PEX14: variants seen among roughly 807,000 people sequenced by gnomAD.
The protein encoded by PEX14 is peroxisomal membrane protein PEX14.
In PEX14, 15 loss-of-function variants were observed where a neutral mutation model predicts 49.5. The ratio of observed to expected loss-of-function variants is 0.30; its 90% CI spans 0.20 to 0.47. The LOEUF (loss-of-function observed/expected upper bound fraction) is 0.47, where lower values mean the gene tolerates loss of function less well. Among genes scored for constraint, PEX14 ranks in the 20% least tolerant of loss-of-function variants. The pLI, the probability that PEX14 is intolerant of heterozygous loss-of-function variation, is 1.00. For missense variants in PEX14, 398 were observed against 494.8 expected (o/e 0.80, Z 1.86); for synonymous variants, 210 against 212.7 (o/e 0.99, Z 0.11).
In PEX14 at chr1:10,613,816, A is replaced by G. The variant is rs994195359; in HGVS notation, c.299-4516A>G. Among the ~76,000 whole-genome samples, 11 of 152,184 alleles carry G rather than the reference A, an allele frequency of 7.2e-5. No individual in the cohort carries two copies. The highest frequency in any genetic ancestry group is 6.5e-5 in the Admixed American group (1 of 15,290). On this transcript the variant is annotated intron_variant, in intron 4 of 8. Coordinates refer to ENST00000356607, the MANE Select transcript of PEX14 (RefSeq NM_004565.3). This position sits in a 1 kb window ranked among gnomAD's most constrained non-coding sequence, Gnocchi z 5.0. ...GTTTCTGACCCCAGGCTTGTTGCCC[A>G]CTTGCTACCTTGTCTGCCTTGTCTG...
At chr1:10,576,581 C>T (rs1160687796) in intron 3 of PEX14, among the ~76,000 whole-genome samples, 2 of 151,592 alleles carry the variant, frequency 1.3e-5, no homozygotes, top group Non-Finnish European at 2.9e-5. Context: ...TCCTTTCAAA[C>T]ATTAGTTTTT....
At chr1:10,490,056 A>G (rs2124390780) in intron 1 of PEX14, among the ~76,000 whole-genome samples, 1 of 152,302 alleles carries the variant, frequency 6.6e-6, no homozygotes, top group African/African-American at 2.4e-5. Flanking sequence ...ATAACTTATC[A>G]TCTCCTCTAA....
chr1:10,565,769 C>T (rs548706181), intron 3 of PEX14, among the ~76,000 whole-genome samples: 2 of 152,266 alleles, frequency 1.3e-5, no homozygotes, highest in Non-Finnish European at 2.9e-5. Flanking sequence ...ATCCCAGCTA[C>T]TTGGGAGGCT....
chr1:10,582,639 T>G (rs1640354945), intron 3 of PEX14, among the ~76,000 whole-genome samples: 1 of 152,160 alleles, frequency 6.6e-6, no homozygotes, highest in African/African-American at 2.4e-5. Flanking sequence ...TGCCTGACTC[T>G]CTCCAGAGTA....
Position 10,542,532 on chromosome 1 carries a change from C to T in PEX14, c.169+6235C>T, listed in dbSNP as rs377702610. ...ATCCCAGCACTTCGGGAGGCAGAGG[C>T]GGGAGGATCACGAGGTCAGAAAATT... On this transcript the variant is annotated intron_variant, in intron 3 of 8. Transcript: ENST00000356607. Among the ~76,000 whole-genome samples, 5 of 152,118 alleles carry T rather than the reference C, an allele frequency of 3.3e-5. No individual in the cohort carries two copies. The South Asian group carries it at 6.2e-4, about 19-fold the overall frequency.
chr1:10,490,536 G>A (rs1399351650), intron 1 of PEX14, among the ~76,000 whole-genome samples: 1 of 152,102 alleles, frequency 6.6e-6, no homozygotes, highest in Non-Finnish European at 1.5e-5. Flanking sequence ...TTCTCTCTCT[G>A]CCGCCGTAGT....
intron 2 of PEX14, among the ~76,000 whole-genome samples, chr1:10,520,077 C>T (rs1002478783): frequency 2.0e-5 from 3 of 151,428 alleles, no homozygotes; most frequent in Non-Finnish European, 4.4e-5. Flanking sequence ...TGGGCTCAGG[C>T]GATCCTCTCA....
chr1:10,619,242 G>T (rs1641523082), intron 5 of PEX14, among the ~76,000 whole-genome samples: 1 of 151,960 alleles, frequency 6.6e-6, no homozygotes, highest in Non-Finnish European at 1.5e-5. Context: ...TAGGTGCCCA[G>T]TCCAGATCTT....
intron 2 of PEX14, among the ~76,000 whole-genome samples, chr1:10,532,168 T>TC (rs1374361720): frequency 2.6e-5 from 4 of 152,112 alleles, no homozygotes; most frequent in East Asian, 3.9e-4. Flanking sequence ...CAACCTGAAG[T>TC]CCCCCCCGCT....
chr1:10,542,607 A>G (rs1443621719), intron 3 of PEX14, among the ~76,000 whole-genome samples: 4 of 152,180 alleles, frequency 2.6e-5, no homozygotes, highest in African/African-American at 9.7e-5. Context: ...TAAAAATACA[A>G]AAAATTAGCT....
chr1:10,615,167 C>G (rs1029774911), intron 4 of PEX14, among the ~76,000 whole-genome samples: 2 of 152,076 alleles, frequency 1.3e-5, no homozygotes, highest in Non-Finnish European at 1.5e-5. Context: ...AACACAAACC[C>G]CAGAACCCAT....
intron 1 of PEX14, among the ~76,000 whole-genome samples, chr1:10,479,422 G>A (rs1028800441): frequency 1.2e-4 from 18 of 152,088 alleles, no homozygotes; most frequent in African/African-American, 4.3e-4. Flanking sequence ...GAGATTATAA[G>A]CATGAGCCAC....
intron 4 of PEX14, among the ~76,000 whole-genome samples, chr1:10,609,003 G>A (rs377316852): frequency 6.6e-6 from 1 of 152,092 alleles, no homozygotes; most frequent in African/African-American, 2.4e-5. Context: ...TCAGGTAAAT[G>A]GAATCAGAAT....
Position 10,597,068 on chromosome 1 carries a change from C to T in PEX14, c.170-2170C>T, listed in dbSNP as rs1316323041. On this transcript the variant is annotated intron_variant, in intron 3 of 8. Coordinates refer to ENST00000356607, the MANE Select transcript of PEX14 (RefSeq NM_004565.3). This position sits in a 1 kb window ranked among gnomAD's most constrained non-coding sequence, Gnocchi z 5.7. ...TGTCCCTTTAACCAGCTCCGGCCCT[C>T]AGGGCCACAGCACAGTCTGTAACTT... is the stretch of plus-strand genomic sequence containing the variant. Among the ~76,000 whole-genome samples, 1 of 152,258 alleles carries T rather than the reference C, an allele frequency of 6.6e-6. No homozygotes were observed. Among genetic ancestry groups the T allele is most frequent in the Non-Finnish European group, 1.5e-5 (1 of 68,050 alleles).
In PEX14 at chr1:10,625,455, T is replaced by A. The variant is rs750456755; in HGVS notation, c.585+1018T>A. Among the ~76,000 whole-genome samples the A allele has an allele frequency of 2.8e-4, 42 of 152,226 alleles. 1 individual carries two copies. The highest frequency in any genetic ancestry group is 7.3e-5 in the Non-Finnish European group (5 of 68,036). ...TTGGCTTGAGCCAGCACTCAGATCT[T>A]TTGCATTTGCAAAAACCATGAAAAT... On this transcript the variant is annotated intron_variant, in intron 7 of 8. Coordinates refer to ENST00000356607, the MANE Select transcript of PEX14 (RefSeq NM_004565.3).
intron 2 of PEX14, among the ~76,000 whole-genome samples, chr1:10,516,366 C>T (rs368831789): frequency 2.6e-5 from 4 of 152,118 alleles, no homozygotes; most frequent in Non-Finnish European, 2.9e-5. Context: ...TCTATTTGGT[C>T]AGTAATGCAA....
intron 3 of PEX14, among the ~76,000 whole-genome samples, chr1:10,567,604 C>A (rs1024778484): frequency 6.6e-6 from 1 of 152,094 alleles, no homozygotes; most frequent in African/African-American, 2.4e-5. Flanking sequence ...AAGTGGTTCT[C>A]CTGCCTCTGC....
Position 10,599,256 on chromosome 1 carries a change from T to C in PEX14, c.188T>C (p.Ile63Thr), listed in dbSNP as rs762505617. The change falls in exon 4 of 9, where the codon ATT becomes ACT. Residue 63 changes from isoleucine (I) to threonine (T), a missense_variant. Physicochemically the swap from Ile to Thr is moderately conservative, Grantham distance 89. Coordinates refer to ENST00000356607, the MANE Select transcript of PEX14 (RefSeq NM_004565.3). ...LKKKGLTDEE[I>T]DMAFQQSGTA... ...TCCCCAGGGCTGACAGATGAAGAGA[T>C]TGATATGGCCTTCCAGCAGTCGGGC... The C allele has an allele frequency of 6.8e-6, 11 of 1,614,186 alleles. No homozygotes were observed. Among genetic ancestry groups the C allele is most frequent in the East Asian group, 2.2e-5 (1 of 44,882 alleles).
At chr1:10,626,978 C>T (rs1477636918) in intron 7 of PEX14, among the ~76,000 whole-genome samples, 15 of 152,374 alleles carry the variant, frequency 9.8e-5, no homozygotes, top group African/African-American at 2.4e-5. Flanking sequence ...CTTCATACCG[C>T]ACCCGCACGC....
Sources: allele counts gnomAD v4.1 joint callset (sites outside exome capture counted in the v4.1 genomes callset), GRCh38; gene constraint gnomAD v4.1.1; non-coding constraint Gnocchi (gnomAD v3.1); transcripts MANE v1.5; gene names NCBI Gene and HGNC (gene_info 2026-07-23, HGNC 2026-07-21).